Variants in NAMPT observed in about 807,000 individuals in gnomAD.
NAMPT encodes NAmPRTase.
Under a neutral mutation model 58.7 loss-of-function variants are expected in NAMPT, and 7 were observed. The ratio of observed to expected loss-of-function variants is 0.12; its 90% CI spans 0.07 to 0.22. The LOEUF (loss-of-function observed/expected upper bound fraction) is 0.22. Among genes scored for constraint, NAMPT ranks in the 10% least tolerant of loss-of-function variants. The pLI is 1.00. For synonymous variants in NAMPT, 145 were observed against 198.1 expected (o/e 0.73, Z 2.25); for missense variants, 271 against 567.9 (o/e 0.48, Z 5.31).
At chr7:106,261,356 G>A (rs1295098856) in intron 8 of NAMPT, 1 of 399,206 alleles carries the variant, frequency 2.5e-6, no homozygotes, top group African/African-American at 2.1e-5. Flanking sequence ...TACTTCTTTA[G>A]ATTCATCATT....
At chr7:106,264,294 A>G (rs1280472363) in intron 6 of NAMPT, among the ~76,000 whole-genome samples, 1 of 152,090 alleles carries the variant, frequency 6.6e-6, no homozygotes, top group Non-Finnish European at 1.5e-5. Flanking sequence ...ATTAAGATGG[A>G]AAATAAAGTA....
At chr7:106,277,275 T>A in intron 1 of NAMPT, 96 bp from the exon 2 acceptor site, 1 of 1,053,612 alleles carries the variant, frequency 9.5e-7, no homozygotes, top group Non-Finnish European at 1.4e-6. Context: ...CCAGAGAAAC[T>A]ATATTTCTTG....
At chr7:106,271,085 G>GT (rs1269332257) in intron 4 of NAMPT, among the ~76,000 whole-genome samples, 1 of 137,438 alleles carries the variant, frequency 7.3e-6, no homozygotes, top group East Asian at 2.3e-4. Flanking sequence ...TCTAAAACAA[G>GT]TTTTTTTTCT....
intron 5 of NAMPT, 69 bp downstream of exon 5, chr7:106,269,085 A>G: frequency 1.4e-6 from 2 of 1,447,784 alleles, no homozygotes; most frequent in South Asian, 2.7e-5. Context: ...TAACGTCCCC[A>G]AAAGTTTACA....
rs182740760 is a variant in NAMPT, at chr7:106,249,240, T to A, written c.*1843A>T. On this transcript the variant is annotated 3_prime_UTR_variant, in exon 11 of 11. Coordinates refer to ENST00000222553, the MANE Select transcript of NAMPT (RefSeq NM_005746.3). ...CAGAAGACTTACTAAAAGTGAATAA[T>A]GCTTATTGTTCTCACTACATGTTTA... is the stretch of plus-strand genomic sequence containing the variant. 6.6e-6 allele frequency: 1 copy of A among 152,624 alleles called. No individual in the cohort carries two copies. The highest frequency in any genetic ancestry group is 1.9e-4 in the East Asian group (1 of 5,184). 9.5% of individuals were successfully genotyped at this position (152,624 alleles called of 1,614,324 possible).
chr7:106,276,109 T>A (rs1792633496), intron 2 of NAMPT: 3 of 152,202 alleles, frequency 2.0e-5, no homozygotes, highest in African/African-American at 4.8e-5. Flanking sequence ...TCTAGCTAGG[T>A]TTTCAGTAGT....
chr7:106,259,510 C>G (rs536979097), intron 8 of NAMPT, among the ~76,000 whole-genome samples: 111 of 152,258 alleles, frequency 7.3e-4, no homozygotes, highest in African/African-American at 2.5e-3. Context: ...ACACTACAGC[C>G]TCTGCCTCCC....
chr7:106,279,973 G>T (rs1792729649), intron 1 of NAMPT, among the ~76,000 whole-genome samples: 1 of 152,070 alleles, frequency 6.6e-6, no homozygotes, highest in Non-Finnish European at 1.5e-5. Context: ...GGGACAGTAA[G>T]AACACGATAA....
upstream of NAMPT, chr7:106,285,582 C>T: frequency 1.0e-6 from 1 of 985,962 alleles, no homozygotes; most frequent in African/African-American, 1.7e-5. Flanking sequence ...CTTTCGCCTC[C>T]ATCCCTCTTG....
intron 6 of NAMPT, among the ~76,000 whole-genome samples, chr7:106,266,617 T>A (rs941239147): frequency 3.3e-5 from 5 of 152,216 alleles, no homozygotes; most frequent in African/African-American, 1.2e-4. Context: ...TTGAGCAATT[T>A]TATCTCCCAA....
chr7:106,274,324 C>T (rs1266938264), intron 3 of NAMPT, among the ~76,000 whole-genome samples: 1 of 151,938 alleles, frequency 6.6e-6, no homozygotes, highest in Middle Eastern at 3.2e-3. Context: ...TTATCTTTCT[C>T]AAAAATGTTA....
Position 106,261,645 on chromosome 7 carries a change from C to T in NAMPT, c.1032G>A (p.Leu344=), listed in dbSNP as rs1167428172. 7.5e-6 allele frequency: 12 copies of T among 1,595,780 alleles called. No individual in the cohort carries two copies. The highest frequency in any genetic ancestry group is 1.0e-5 in the Non-Finnish European group (12 of 1,163,622). The change falls in exon 8 of 11, where the codon CTG becomes CTA. Residue 344 remains leucine, a synonymous_variant. Transcript: ENST00000222553. ...CTTGAATAACTCTAAGATAAGGTGG[C>T]AGCAACTTGTAACCCTTTGAGTTCT... is the stretch of plus-strand genomic sequence containing the variant. ...VTENSKGYKL[L]PPYLRVIQGD...
intron 1 of NAMPT, among the ~76,000 whole-genome samples, chr7:106,280,168 C>T (rs1792733443): frequency 6.6e-6 from 1 of 152,010 alleles, no homozygotes; most frequent in East Asian, 1.9e-4. Context: ...CCAAAGAGTG[C>T]AGGAGTTAGG....
chr7:106,252,891 G>A, intron 10 of NAMPT, 126 bp downstream of exon 10: 1 of 1,206,064 alleles, frequency 8.3e-7, no homozygotes, highest in South Asian at 1.7e-5. Context: ...TCAGCAATTG[G>A]ACATTTTATA....
intron 6 of NAMPT, among the ~76,000 whole-genome samples, chr7:106,266,241 A>C (rs987643917): frequency 6.6e-6 from 1 of 152,214 alleles, no homozygotes; most frequent in African/African-American, 2.4e-5. Flanking sequence ...TACAAATGCA[A>C]TCAATATGAG....
At chr7:106,267,103 T>C (rs112836677) in intron 6 of NAMPT, among the ~76,000 whole-genome samples, 1,875 of 152,374 alleles carry the variant, frequency 0.012, 18 homozygotes, top group Non-Finnish European at 0.02. Flanking sequence ...GTGCCCAATG[T>C]TGGCTATTAA....
At chr7:106,266,081 C>T (rs780111534) in intron 6 of NAMPT, among the ~76,000 whole-genome samples, 2 of 152,198 alleles carry the variant, frequency 1.3e-5, no homozygotes, top group Non-Finnish European at 1.5e-5. Context: ...AGATAAGTGA[C>T]TTGCCCAAGG....
chr7:106,257,169 T>C (rs1218368244), intron 8 of NAMPT, among the ~76,000 whole-genome samples: 1 of 151,804 alleles, frequency 6.6e-6, no homozygotes, highest in Non-Finnish European at 1.5e-5. Flanking sequence ...GAAAAAGATA[T>C]TTTTCCTTCC....
chr7:106,278,926 A>C (rs1167993378), intron 1 of NAMPT, among the ~76,000 whole-genome samples: 1 of 152,204 alleles, frequency 6.6e-6, no homozygotes, highest in Non-Finnish European at 1.5e-5. Context: ...CTGTTCAGGT[A>C]CTTAATGATG....
Sources: allele counts gnomAD v4.1 joint callset (sites outside exome capture counted in the v4.1 genomes callset), GRCh38; gene constraint gnomAD v4.1.1; transcripts MANE v1.5; gene names NCBI Gene and HGNC (gene_info 2026-07-23, HGNC 2026-07-21).